Variants in LMF1 observed in about 807,000 individuals in gnomAD.
LMF1 encodes transmembrane protein 112.
LMF1 carries 68 observed loss-of-function variants against 60.6 expected under a neutral mutation model. The observed-to-expected ratio is 1.12, with a 90% confidence interval of 0.92 to 1.37. The LOEUF (loss-of-function observed/expected upper bound fraction) is 1.37. Ranked by LOEUF, LMF1 falls within the 40% of genes most tolerant of loss-of-function variation. The pLI is 0.00. For synonymous variants in LMF1, 418 were observed against 324.7 expected, an observed-to-expected ratio of 1.29 and a Z score of -3.09; for missense variants, 948 against 767.2, an observed-to-expected ratio of 1.24 and a Z score of -2.78.
upstream of LMF1, chr16:971,005 G>A (rs753293470): frequency 1.7e-5 from 11 of 632,948 alleles, no homozygotes; most frequent in South Asian, 5.0e-4. Flanking sequence ...CACTCCCGGA[G>A]GCCCCGCCCA....
chr16:861,354 CTTTTTTTTTTTT>C (rs33941455), intron 10 of LMF1, among the ~76,000 whole-genome samples: 1 of 92,664 alleles, frequency 1.1e-5, no homozygotes, highest in Non-Finnish European at 2.1e-5. Flanking sequence ...AATTTTCTTT[CTTTTTTTTTTTT>C]TTTTTTTTTG....
intron 2 of LMF1, among the ~76,000 whole-genome samples, chr16:943,360 G>A (rs2072155627): frequency 8.1e-6 from 1 of 123,724 alleles, no homozygotes; most frequent in Non-Finnish European, 1.6e-5. Context: ...GACAGAGCGA[G>A]ACTCCATCTC....
At chr16:955,469 A>G (rs56873667) in intron 1 of LMF1, among the ~76,000 whole-genome samples, 458 of 43,738 alleles carry the variant, frequency 0.01, 61 homozygotes, top group African/African-American at 0.038. Flanking sequence ...CGGTGTGTGC[A>G]TACACACACA....
rs950885948 is a variant in LMF1, at chr16:874,967, C to T, written c.898-3626G>A. On this transcript the variant is annotated intron_variant, in intron 6 of 10. Transcript: ENST00000262301. The surrounding 1 kb of genome is among the most constrained non-coding windows in gnomAD (Gnocchi z 4.1). ...GCCCTAGTTCAAGACCCCACACTGC[C>T]TGTGAGGGGGCAGGATACATCGCAG... Among the ~76,000 whole-genome samples, 3 of 152,188 alleles carry T rather than the reference C, an allele frequency of 2.0e-5. No homozygotes were observed. Among genetic ancestry groups the T allele is most frequent in the African/African-American group, 7.2e-5 (3 of 41,446 alleles).
intron 3 of LMF1, among the ~76,000 whole-genome samples, chr16:917,665 T>C (rs2071319529): frequency 1.3e-5 from 2 of 152,176 alleles, no homozygotes; most frequent in African/African-American, 2.4e-5. Context: ...CTAAGAGACA[T>C]GCCTGCCCCC....
At chr16:862,717 G>T (rs930721473) in intron 10 of LMF1, among the ~76,000 whole-genome samples, 2 of 152,068 alleles carry the variant, frequency 1.3e-5, no homozygotes, top group African/African-American at 4.8e-5. Flanking sequence ...AATTAGTGAG[G>T]CGTGGTGGTG....
At chr16:867,884 T>TGGACCTCGGC (rs1308590948) in intron 10 of LMF1, among the ~76,000 whole-genome samples, 1 of 152,158 alleles carries the variant, frequency 6.6e-6, no homozygotes, top group Non-Finnish European at 1.5e-5. Flanking sequence ...ACTGCCTCTG[T>TGGACCTCGGC]GGACCTCGGC....
rs765803314 is a variant in LMF1, at chr16:870,699, C to T, written c.1232+30G>A. On this transcript the variant is annotated intron_variant, in intron 8 of 10. Transcript: ENST00000262301. ...GGGCTGAGTCTCCCCATATACCCAG[C>T]TCCGGGGGACGGGGACCCCAGGCTC... The T allele has an allele frequency of 1.2e-4, 194 of 1,611,248 alleles. 3 individuals are homozygous for T. In the South Asian group the frequency reaches 1.9e-3, roughly 16 times the overall value.
intron 4 of LMF1, chr16:900,466 T>C (rs991693041): frequency 7.9e-5 from 12 of 152,248 alleles, no homozygotes; most frequent in Admixed American, 7.9e-4. Context: ...GGTGTGAGTT[T>C]GGACATCTTA....
intron 10 of LMF1, among the ~76,000 whole-genome samples, chr16:861,912 G>A (rs1405584189): frequency 6.6e-6 from 1 of 152,120 alleles, no homozygotes; most frequent in Admixed American, 6.6e-5. Context: ...CTGGCTGCAG[G>A]GCTTGTACAG....
At chr16:951,576 C>A (rs1348456237) in intron 2 of LMF1, among the ~76,000 whole-genome samples, 1 of 152,178 alleles carries the variant, frequency 6.6e-6, no homozygotes, top group South Asian at 2.1e-4. Context: ...TGTTGCCAAA[C>A]CCCCAGATGT....
chr16:912,917 G>A (rs1275508339), intron 3 of LMF1, among the ~76,000 whole-genome samples: 1 of 152,236 alleles, frequency 6.6e-6, no homozygotes, highest in Non-Finnish European at 1.5e-5. Context: ...GGCGGCCTCA[G>A]CGCCAAGGTC....
chr16:956,362 G>A (rs889819353), intron 1 of LMF1, among the ~76,000 whole-genome samples: 3 of 152,178 alleles, frequency 2.0e-5, no homozygotes. Context: ...ATGCTGACAG[G>A]TGAGAGAAGC....
intron 2 of LMF1, among the ~76,000 whole-genome samples, chr16:940,757 G>A (rs183518438): frequency 8.9e-4 from 135 of 152,298 alleles, no homozygotes; most frequent in African/African-American, 3.1e-3. Context: ...ACTCTTCTTA[G>A]GAAAAACACC....
chr16:864,104 C>G (rs926838892), intron 10 of LMF1, among the ~76,000 whole-genome samples: 1 of 152,086 alleles, frequency 6.6e-6, no homozygotes, highest in African/African-American at 2.4e-5. Flanking sequence ...TCTTTTTCTT[C>G]ACATGTTTTG....
At chr16:944,252 T>G (rs1390676801) in intron 2 of LMF1, among the ~76,000 whole-genome samples, 1 of 145,212 alleles carries the variant, frequency 6.9e-6, no homozygotes, top group African/African-American at 2.6e-5. Flanking sequence ...CCTGCCACTT[T>G]CCACCAACCC....
At chr16:854,978 G>C in intron 10 of LMF1, 1 of 550,224 alleles carries the variant, frequency 1.8e-6, no homozygotes, top group Middle Eastern at 5.0e-4. Context: ...GGGCCCACTT[G>C]GCAGAGGGAC....
intron 6 of LMF1, among the ~76,000 whole-genome samples, chr16:876,884 G>A (rs1444821697): frequency 1.3e-5 from 2 of 152,106 alleles, no homozygotes; most frequent in African/African-American, 4.8e-5. Context: ...AAACGAGAGA[G>A]AAAGATACAA....
chr16:979,803 C>G (rs148753027), intron 1 of LMF1: 5,817 of 453,380 alleles, frequency 0.013, 82 homozygotes, highest in Non-Finnish European at 0.018. Context: ...CAGTTTGGAC[C>G]GGACCCCCAC....
Sources: allele counts gnomAD v4.1 joint callset (sites outside exome capture counted in the v4.1 genomes callset), GRCh38; gene constraint gnomAD v4.1.1; non-coding constraint Gnocchi (gnomAD v3.1); transcripts MANE v1.5; gene names NCBI Gene and HGNC (gene_info 2026-07-23, HGNC 2026-07-21).